Variants in TNS3 observed in about 807,000 individuals in gnomAD.
The protein encoded by TNS3 is tensin 3.
In TNS3, 45 loss-of-function variants were observed where a neutral mutation model predicts 140.9. That is an observed-to-expected ratio of 0.32 (90% CI 0.25 to 0.41). The LOEUF is 0.41. TNS3 is among the 10% of genes least tolerant of loss of function. TNS3 has a pLI of 1.00. For missense variants in TNS3, 1,716 were observed against 1,906.7 expected, an observed-to-expected ratio of 0.90 and a Z score of 1.86; for synonymous variants, 815 against 788.4, an observed-to-expected ratio of 1.03 and a Z score of -0.56.
intron 17 of TNS3, among the ~76,000 whole-genome samples, chr7:47,367,467 G>A (rs1244339513): frequency 6.6e-6 from 1 of 152,214 alleles, no homozygotes; most frequent in Non-Finnish European, 1.5e-5. Flanking sequence ...AACCCAGGCA[G>A]ATGTCACTGC....
chr7:47,511,436 C>G (rs1798601971), intron 2 of TNS3, among the ~76,000 whole-genome samples: 2 of 151,556 alleles, frequency 1.3e-5, no homozygotes, highest in African/African-American at 4.8e-5. Context: ...AGCTTATGTT[C>G]ATTTTAACAT....
At chr7:47,290,444 G>A (rs1397765141) in intron 27 of TNS3, among the ~76,000 whole-genome samples, 2 of 152,084 alleles carry the variant, frequency 1.3e-5, no homozygotes, top group African/African-American at 4.8e-5. Flanking sequence ...ATTTTCAAAA[G>A]GCCTATCAGG....
At chr7:47,394,225 C>A (rs1792696650) in intron 16 of TNS3, among the ~76,000 whole-genome samples, 1 of 152,234 alleles carries the variant, frequency 6.6e-6, no homozygotes, top group African/African-American at 2.4e-5. Flanking sequence ...ATTCATATGT[C>A]AAAACCTAAT....
chr7:47,450,713 C>G (rs992481227), intron 4 of TNS3, among the ~76,000 whole-genome samples: 2 of 152,246 alleles, frequency 1.3e-5, no homozygotes, highest in East Asian at 1.9e-4. Flanking sequence ...GAAGCAGTAA[C>G]TAGCACTGGC....
At chr7:47,278,389 G>T in intron 30 of TNS3, 169 bp from the exon 31 acceptor site, 2 of 690,834 alleles carry the variant, frequency 2.9e-6, no homozygotes, top group Non-Finnish European at 4.7e-6. Flanking sequence ...TTTACCTCCA[G>T]CCTTCACAGA....
At chr7:47,551,566 A>C (rs1222567693) in intron 1 of TNS3, among the ~76,000 whole-genome samples, 3 of 152,232 alleles carry the variant, frequency 2.0e-5, no homozygotes, top group Admixed American at 6.5e-5. Context: ...CAGTGGAATA[A>C]TTCATGCCTT....
chr7:47,425,334 A>G (rs938527580), intron 9 of TNS3, among the ~76,000 whole-genome samples: 6 of 151,832 alleles, frequency 4.0e-5, no homozygotes, highest in African/African-American at 1.5e-4. Context: ...CAACAACAAC[A>G]ACAACAACAC....
intron 4 of TNS3, among the ~76,000 whole-genome samples, chr7:47,459,901 C>T (rs1195675619): frequency 6.6e-6 from 1 of 152,012 alleles, no homozygotes; most frequent in East Asian, 1.9e-4. Flanking sequence ...GTGCCCAGGA[C>T]CTCAGAGGGT....
intron 20 of TNS3, among the ~76,000 whole-genome samples, chr7:47,324,133 A>AGTTCCAAGCATGTGCT (rs1787901126): frequency 1.3e-5 from 2 of 152,156 alleles, no homozygotes. Flanking sequence ...CTGGCACCAA[A>AGTTCCAAGCATGTGCT]GTTCCAAGCA....
chr7:47,348,570 ATGGC>A (rs1789483073), intron 17 of TNS3, among the ~76,000 whole-genome samples: 1 of 152,264 alleles, frequency 6.6e-6, no homozygotes, highest in Non-Finnish European at 1.5e-5. Flanking sequence ...CACAGAAAAA[ATGGC>A]TATGCAAATC....
chr7:47,516,549 C>T (rs1435875583), intron 2 of TNS3, among the ~76,000 whole-genome samples: 1 of 152,046 alleles, frequency 6.6e-6, no homozygotes, highest in African/African-American at 2.4e-5. Context: ...GCTGCAGCAT[C>T]CCCACATCCT....
At chr7:47,295,743 G>A (rs1785975215) in intron 24 of TNS3, among the ~76,000 whole-genome samples, 1 of 151,984 alleles carries the variant, frequency 6.6e-6, no homozygotes, top group Non-Finnish European at 1.5e-5. Flanking sequence ...GTGCCAAAAT[G>A]AACCCATCTA....
chr7:47,287,745 G>A (rs117369729), intron 27 of TNS3, among the ~76,000 whole-genome samples: 19 of 152,298 alleles, frequency 1.2e-4, no homozygotes, highest in Non-Finnish European at 2.6e-4. Flanking sequence ...GACATTCGCA[G>A]CTCTCAATGT....
intron 20 of TNS3, among the ~76,000 whole-genome samples, chr7:47,336,875 C>A (rs1035156915): frequency 6.6e-5 from 10 of 152,188 alleles, no homozygotes; most frequent in African/African-American, 2.2e-4. Context: ...ATGGGTCTAT[C>A]TTGTGACAGA....
chr7:47,397,647 G>A (rs56232506), intron 15 of TNS3, among the ~76,000 whole-genome samples: 54,504 of 152,032 alleles, frequency 0.36, 11,667 homozygotes, highest in Admixed American at 0.48. Context: ...TGATAATAGT[G>A]ACACAAGTTA....
At chr7:47,330,244 C>A (rs1043882415) in intron 20 of TNS3, among the ~76,000 whole-genome samples, 2 of 152,108 alleles carry the variant, frequency 1.3e-5, no homozygotes, top group Non-Finnish European at 2.9e-5. Flanking sequence ...GCAAATCAGA[C>A]ACCTGGAAGA....
chr7:47,360,781 G>C (rs999217926), intron 17 of TNS3, among the ~76,000 whole-genome samples: 1 of 152,184 alleles, frequency 6.6e-6, no homozygotes, highest in Non-Finnish European at 1.5e-5. Context: ...AGATGCGCAC[G>C]CTGCTGTCTT....
In TNS3 at chr7:47,521,733, C is replaced by A. The variant is rs76170249; in HGVS notation, c.-153+7303G>T. The stretch of plus-strand genomic sequence containing the variant: ...AGGTCAAAAATGAGCCCTGTGCAGC[C>A]GGCCTCTCAAAGCACCTGGGGGAGT... On this transcript the variant is annotated intron_variant, in intron 2 of 30. Coordinates refer to ENST00000311160, the MANE Select transcript of TNS3 (RefSeq NM_022748.12). 1.5e-4 allele frequency among the ~76,000 whole-genome samples: 23 copies of A among 152,194 alleles called. No homozygotes were observed. In the East Asian group the frequency reaches 4.1e-3, roughly 27 times the overall value.
intron 1 of TNS3, among the ~76,000 whole-genome samples, chr7:47,542,370 A>C (rs1799810863): frequency 6.6e-6 from 1 of 152,144 alleles, no homozygotes; most frequent in Non-Finnish European, 1.5e-5. Flanking sequence ...AGACAACCCA[A>C]GTGAGGGGTG....
Sources: gnomAD v4.1 joint callset for allele counts (sites outside exome capture counted in the v4.1 genomes callset) on GRCh38, gnomAD v4.1.1 for gene constraint, MANE v1.5 for transcripts, NCBI Gene and HGNC (gene_info 2026-07-23, HGNC 2026-07-21) for gene names.